Variants in CHL1 observed in about 807,000 individuals in gnomAD.
CHL1 encodes the protein cell adhesion molecule L1 like.
Under a neutral mutation model 141.9 loss-of-function variants are expected in CHL1, and 96 were observed. That is an observed-to-expected ratio of 0.68 (90% CI 0.57 to 0.80). CHL1 has a LOEUF of 0.80. Ranked by LOEUF, CHL1 falls within the 30% of genes least tolerant of loss-of-function variation. The pLI is 0.00. For synonymous variants in CHL1, 613 were observed against 502.2 expected, an observed-to-expected ratio of 1.22 and a Z score of -2.95; for missense variants, 1,820 against 1,457.2, an observed-to-expected ratio of 1.25 and a Z score of -4.05.
Position 399,090 on chromosome 3 carries a change from C to T in CHL1, c.3327C>T (p.Leu1109=), listed in dbSNP as rs757022568. ...FIGLMCAIAL[L]TLLLLTVCFV... ...GACTGATGTGTGCGATTGCTCTTCT[C>T]ACACTACTATTATTAACTGTTTGCT... Residue 1109 remains leucine (L), a synonymous_variant, in exon 26 of 28, where the codon CTC becomes CTT. Transcript: ENST00000256509. The T allele has an allele frequency of 6.2e-6, 10 of 1,607,674 alleles. No homozygotes were observed. In the South Asian group the frequency reaches 9.9e-5, roughly 16 times the overall value.
rs1485208862 is a variant in CHL1, at chr3:390,792, A to C, written c.2562A>C (p.Val854=). 1.2e-6 allele frequency: 2 copies of C among 1,608,254 alleles called. No homozygotes were observed. Among genetic ancestry groups the C allele is most frequent in the East Asian group, 2.2e-5 (1 of 44,832 alleles). ...GGTCAACAGTTCCAAAGGACAGAGT[A>C]CATGGACGTCTGAAAGGCTATCAGG... ...VTWSTVPKDR[V]HGRLKGYQIN... The change falls in exon 21 of 28, where the codon GTA becomes GTC. Residue 854 remains valine (V), a synonymous_variant. Coordinates refer to ENST00000256509, the MANE Select transcript of CHL1 (RefSeq NM_006614.4).
intron 3 of CHL1, among the ~76,000 whole-genome samples, chr3:322,162 G>C (rs1302888684): frequency 6.6e-5 from 10 of 151,996 alleles, no homozygotes; most frequent in Non-Finnish European, 8.8e-5. Flanking sequence ...GTAGTAGTCA[G>C]AAACAAAGTA....
intron 2 of CHL1, among the ~76,000 whole-genome samples, chr3:275,629 G>C (rs965651431): frequency 2.6e-5 from 4 of 152,184 alleles, no homozygotes; most frequent in African/African-American, 9.7e-5. Flanking sequence ...GGGAAGAGTA[G>C]ACATGTAGGG....
intron 1 of CHL1, among the ~76,000 whole-genome samples, chr3:226,373 T>TTTA (rs1180341833): frequency 1.1e-4 from 6 of 56,916 alleles, no homozygotes; most frequent in Non-Finnish European, 2.7e-4. Flanking sequence ...AATAGAATAT[T>TTTA]TTATATATAT....
chr3:332,291 A>T (rs1205214023), intron 5 of CHL1, among the ~76,000 whole-genome samples: 1 of 152,232 alleles, frequency 6.6e-6, no homozygotes. Flanking sequence ...AGTTTGAAAT[A>T]TGTAAAACTG....
intron 2 of CHL1, among the ~76,000 whole-genome samples, chr3:300,515 T>C (rs985053464): frequency 3.3e-5 from 5 of 152,212 alleles, no homozygotes; most frequent in East Asian, 1.9e-4. Context: ...ACTATATTTC[T>C]TCATTTTTAT....
At chr3:307,486 T>C (rs555335822) in intron 2 of CHL1, among the ~76,000 whole-genome samples, 28 of 152,280 alleles carry the variant, frequency 1.8e-4, no homozygotes, top group Admixed American at 3.3e-4. Flanking sequence ...ACATTTTCGA[T>C]TGGAGTCATA....
intron 5 of CHL1, among the ~76,000 whole-genome samples, chr3:329,614 G>A (rs1418643791): frequency 2.0e-5 from 3 of 151,670 alleles, no homozygotes; most frequent in Non-Finnish European, 4.4e-5. Context: ...GAAAGAAAAA[G>A]AGATAGAAAT....
intron 3 of CHL1, among the ~76,000 whole-genome samples, chr3:321,316 C>T (rs985764092): frequency 3.9e-5 from 6 of 152,046 alleles, no homozygotes; most frequent in Admixed American, 3.9e-4. Context: ...AATATACAGA[C>T]TTAAAGTCTG....
chr3:247,239 T>C (rs954770436), intron 2 of CHL1: 4 of 151,936 alleles, frequency 2.6e-5, no homozygotes, highest in African/African-American at 9.7e-5. Context: ...TTGGCTCCTG[T>C]ACCCTGAGGA....
At chr3:292,824 T>C (rs11715973) in intron 2 of CHL1, among the ~76,000 whole-genome samples, 41,695 of 151,834 alleles carry the variant, frequency 0.27, 6,038 homozygotes, top group Middle Eastern at 0.42. Flanking sequence ...AACAACCAGA[T>C]CTCAAGAGAA....
Position 360,285 on chromosome 3 carries a change from T to A in CHL1, c.1167T>A (p.Asn389Lys). ...CTGACATTCTTTAATCTCTTTCAGATCATCCATTTGCTGGTGATGTTGTCT... is the reference window on the plus strand; with the variant it reads ...CTGACATTCTTTAATCTCTTTCAGAACATCCATTTGCTGGTGATGTTGTCT... ...KWRVNGSPVD[N>K]HPFAGDVVFP... The change falls in exon 12 of 28, where the codon AAT (asparagine) becomes AAA (lysine). Residue 389 changes from asparagine (N) to lysine (K), a missense_variant and splice_region_variant. Transcript: ENST00000256509. 1 of 1,613,734 alleles carries A rather than the reference T, an allele frequency of 6.2e-7. No homozygotes were observed. The highest frequency in any genetic ancestry group is 8.5e-7 in the Non-Finnish European group (1 of 1,179,766).
At chr3:308,985 T>C (rs1025896706) in intron 2 of CHL1, 1 of 153,020 alleles carries the variant, frequency 6.5e-6, no homozygotes, top group Non-Finnish European at 1.5e-5. Context: ...GCCCGGACGG[T>C]GCACAGTGGA....
intron 5 of CHL1, among the ~76,000 whole-genome samples, chr3:336,956 C>T (rs9310982): frequency 2.6e-5 from 4 of 152,010 alleles, no homozygotes; most frequent in Admixed American, 6.5e-5. Context: ...TTTCAAAAAC[C>T]TAGATGTGAA....
At chr3:362,987 G>T (rs547174566) in intron 13 of CHL1, among the ~76,000 whole-genome samples, 1 of 152,176 alleles carries the variant, frequency 6.6e-6, no homozygotes, top group Non-Finnish European at 1.5e-5. Context: ...GACAAATACA[G>T]CAGAAGCACT....
intron 2 of CHL1, among the ~76,000 whole-genome samples, chr3:269,075 G>T (rs543133808): frequency 9.9e-5 from 15 of 152,238 alleles, no homozygotes; most frequent in East Asian, 3.9e-4. Flanking sequence ...AAAAAATTAT[G>T]GTCAGAATCC....
chr3:319,141 A>G (rs1188603546), intron 2 of CHL1, among the ~76,000 whole-genome samples: 9 of 151,888 alleles, frequency 5.9e-5, no homozygotes, highest in Admixed American at 2.0e-4. Flanking sequence ...AGAATAATAG[A>G]ATATTATGGA....
intron 16 of CHL1, 66 bp from the exon 17 acceptor site, chr3:382,113 T>G: frequency 1.5e-6 from 2 of 1,344,158 alleles, no homozygotes. Flanking sequence ...GCTGGCAATG[T>G]GTCTGAGGAA....
intron 2 of CHL1, among the ~76,000 whole-genome samples, chr3:277,376 A>C (rs1351484324): frequency 6.6e-6 from 1 of 152,238 alleles, no homozygotes; most frequent in African/African-American, 2.4e-5. Context: ...TAACTAGTGC[A>C]CAGACTGTGA....
Sources: gnomAD v4.1 joint callset for allele counts (sites outside exome capture counted in the v4.1 genomes callset) on GRCh38, gnomAD v4.1.1 for gene constraint, MANE v1.5 for transcripts, NCBI Gene and HGNC (gene_info 2026-07-23, HGNC 2026-07-21) for gene names.